DBR1: variants seen among roughly 807,000 people sequenced by gnomAD.
DBR1 encodes the protein lariat debranching enzyme.
In DBR1, 33 loss-of-function variants were observed where a neutral mutation model predicts 45.9. The observed-to-expected ratio is 0.72, with a 90% CI of 0.55 to 0.96. DBR1 has a LOEUF of 0.96. Among genes scored for constraint, DBR1 ranks in the 40% least tolerant of loss-of-function variants. The pLI, the probability that DBR1 is intolerant of heterozygous loss-of-function variation, is 0.00. For missense variants in DBR1, 619 were observed against 667.4 expected (o/e 0.93, Z 0.80); for synonymous variants, 235 against 235.9 (o/e 1.00, Z 0.04).
chr3:138,163,985 T>G (rs919460286), intron 5 of DBR1, 127 bp from the exon 6 acceptor site: 4 of 579,430 alleles, frequency 6.9e-6, no homozygotes, highest in East Asian at 6.5e-5. Context: ...AAGGAATGAC[T>G]GTTACTTTTC....
intron 1 of DBR1, 38 bp downstream of exon 1, chr3:138,174,561 C>G (rs1373328646): frequency 4.0e-6 from 6 of 1,481,882 alleles, no homozygotes; most frequent in African/African-American, 1.4e-5. Context: ...CCAGTCCCAC[C>G]CCCCCACCGC....
chr3:138,163,701 T>A, intron 6 of DBR1, 77 bp downstream of exon 6: 1 of 1,121,776 alleles, frequency 8.9e-7, no homozygotes, highest in Non-Finnish European at 1.2e-6. Context: ...AACAAAAAAA[T>A]TCCGAAAGGA....
Position 138,171,721 on chromosome 3 carries a change from A to T in DBR1, c.323-8T>A. 6.2e-7 allele frequency: 1 copy of T among 1,603,742 alleles called. No homozygotes were observed. Among genetic ancestry groups the T allele is most frequent in the Non-Finnish European group, 8.5e-7 (1 of 1,170,848 alleles). The stretch of plus-strand genomic sequence containing the variant: ...TTACCACACCAGCCAAACCTAAACA[A>T]TACAGTTAAATAAAATTACTGTAGG... On this transcript the variant is annotated splice_region_variant and splice_polypyrimidine_tract_variant and intron_variant, in intron 2 of 7. Coordinates refer to ENST00000260803, the MANE Select transcript of DBR1 (RefSeq NM_016216.4).
chr3:138,173,083 C>T (rs1350889677), intron 2 of DBR1, among the ~76,000 whole-genome samples: 2 of 106,518 alleles, frequency 1.9e-5, no homozygotes, highest in Non-Finnish European at 4.1e-5. Context: ...GTCATCTCTT[C>T]CCACAAAAAA....
Position 138,170,201 on chromosome 3 carries a change from G to A in DBR1, c.404-9C>T. The A allele has an allele frequency of 1.3e-6, 2 of 1,532,834 alleles. No individual in the cohort carries two copies. Among genetic ancestry groups the A allele is most frequent in the Non-Finnish European group, 8.9e-7 (1 of 1,120,746 alleles). 95.0% of individuals were successfully genotyped at this position (1,532,834 alleles called of 1,614,324 possible). ...GGGGCACTCAAAATGACCTTAGATTGAAGCAGAAAAATAAGCTATATTTAA... is the reference window on the plus strand; with the variant it reads ...GGGGCACTCAAAATGACCTTAGATTAAAGCAGAAAAATAAGCTATATTTAA... On this transcript the variant is annotated splice_polypyrimidine_tract_variant and intron_variant, in intron 3 of 7. Transcript: ENST00000260803.
rs910983842 is a variant in DBR1, at chr3:138,161,436, A to T, written c.*453T>A. On this transcript the variant is annotated 3_prime_UTR_variant, in exon 8 of 8. Transcript: ENST00000260803. ...ACAAAAGCCTAAAGATAAAGTCAATATCTAACTAAAATTCTCTAATGTATC... is the reference window on the plus strand; with the variant it reads ...ACAAAAGCCTAAAGATAAAGTCAATTTCTAACTAAAATTCTCTAATGTATC... 6.4e-6 allele frequency: 1 copy of T among 155,218 alleles called. No individual in the cohort carries two copies. Among genetic ancestry groups the T allele is most frequent in the Non-Finnish European group, 1.4e-5 (1 of 69,794 alleles). 9.6% of individuals were successfully genotyped at this position (155,218 alleles called of 1,614,324 possible).
chr3:138,162,691 C>T, intron 7 of DBR1, 109 bp from the exon 8 acceptor site: 1 of 958,390 alleles, frequency 1.0e-6, no homozygotes, highest in Non-Finnish European at 1.5e-6. Flanking sequence ...AGCCATCTAT[C>T]AAAATTCCAT....
chr3:138,164,106 ATGT>A (rs1371625094), intron 5 of DBR1: 4 of 335,738 alleles, frequency 1.2e-5, no homozygotes, highest in African/African-American at 6.4e-5. Context: ...GATGATGATG[ATGT>A]TAACTCAAAG....
In DBR1 at chr3:138,162,527, G is replaced by T. The variant is rs750775325; in HGVS notation, c.997C>A (p.His333Asn). ...GMKEVLEKLNHDLKVPCNFSV... is the reference protein window; with the variant it reads ...GMKEVLEKLNNDLKVPCNFSV... ...AAGTTACATGGAACCTTGAGATCATGATTCAATTTTTCCAATACTTCTTTC... is the reference window on the plus strand; with the variant it reads ...AAGTTACATGGAACCTTGAGATCATTATTCAATTTTTCCAATACTTCTTTC... Residue 333 changes from histidine to asparagine, a missense_variant, in exon 8 of 8, where the codon CAT becomes AAT. Coordinates refer to ENST00000260803, the MANE Select transcript of DBR1 (RefSeq NM_016216.4). The T allele has an allele frequency of 3.1e-6, 5 of 1,613,262 alleles. No individual in the cohort carries two copies. Among genetic ancestry groups the T allele is most frequent in the African/African-American group, 1.3e-5 (1 of 74,922 alleles).
intron 4 of DBR1, among the ~76,000 whole-genome samples, chr3:138,167,805 G>C (rs2042937326): frequency 6.6e-6 from 1 of 152,062 alleles, no homozygotes; most frequent in Non-Finnish European, 1.5e-5. Flanking sequence ...AATTTAGCTG[G>C]ACGTTGTGGC....
chr3:138,169,970 T>C, intron 4 of DBR1, 137 bp downstream of exon 4: 1 of 652,750 alleles, frequency 1.5e-6, no homozygotes, highest in Admixed American at 3.3e-5. Flanking sequence ...GTGAACCTCC[T>C]AAAAACTCAA....
chr3:138,171,662 C>A lies in DBR1; in HGVS notation c.374G>T (p.Gly125Val), dbSNP rs779728911. 1.9e-6 allele frequency: 3 copies of A among 1,613,194 alleles called. No individual in the cohort carries two copies. The highest frequency in any genetic ancestry group is 3.3e-5 in the Admixed American group (2 of 59,962). ...YRGVRIGGIS[G>V]IFKSHDYRKG... ...TCGATAGTCATGAGATTTAAAGATA[C>A]CAGAGATTCCACCGATCCTTACACC... Residue 125 changes from glycine to valine, a missense_variant, in exon 3 of 8, where the codon GGT becomes GTT. By Grantham distance (109) the Gly-to-Val change is moderately radical. Around this residue, in one of 3 missense-constraint regions of DBR1, gnomAD observed 430 missense variants for 447.7 expected, o/e 0.96. Transcript: ENST00000260803.
rs1288269497 is a variant in DBR1 at position 138,167,116 on chromosome 3, G to T, written c.679C>A (p.Leu227Ile). 1 of 1,614,028 alleles carries T rather than the reference G, an allele frequency of 6.2e-7. No homozygotes were observed. Among genetic ancestry groups the T allele is most frequent in the African/African-American group, 1.3e-5 (1 of 74,926 alleles). Residue 227 changes from leucine (L) to isoleucine (I), a missense_variant, in exon 5 of 8, where the codon CTT becomes ATT. By Grantham distance (5) the Leu-to-Ile change is conservative. This residue lies in a region of DBR1 where 430 missense variants were observed against 447.7 expected (regional missense o/e 0.96). Coordinates refer to ENST00000260803, the MANE Select transcript of DBR1 (RefSeq NM_016216.4). The part of the protein sequence containing the change: ...LKPTYWFSAH[L>I]HVKFAALMQH... ...ATCAAGGCGGCAAACTTCACATGAA[G>T]GTGGGCAGAAAACCAATAAGTAGGT...
intron 3 of DBR1, 41 bp downstream of exon 3, chr3:138,171,592 A>G (rs761614772): frequency 7.4e-7 from 1 of 1,346,252 alleles, no homozygotes; most frequent in Admixed American, 1.7e-5. Flanking sequence ...ACTCTGGGGC[A>G]TGCAAGTTCT....
Position 138,163,422 on chromosome 3 carries a change from T to G in DBR1, c.868A>C (p.Arg290=). 6.2e-7 allele frequency: 1 copy of G among 1,613,496 alleles called. No homozygotes were observed. The highest frequency in any genetic ancestry group is 8.5e-7 in the Non-Finnish European group (1 of 1,179,464). ...ACATTAATAAGATCATCCGTAGCCC[T>G]GAGAATAGTGAGCCATTCAATATCA... is the stretch of plus-strand genomic sequence containing the variant. ...EYDIEWLTIL[R]ATDDLINVTG... The change falls in exon 7 of 8, where the codon AGG becomes CGG. Residue 290 remains arginine, a synonymous_variant. Transcript: ENST00000260803.
At chr3:138,164,980 A>G (rs1190158309) in intron 5 of DBR1, among the ~76,000 whole-genome samples, 1 of 152,186 alleles carries the variant, frequency 6.6e-6, no homozygotes, top group Non-Finnish European at 1.5e-5. Flanking sequence ...TTATACTCCA[A>G]TAAAGGTTTT....
In DBR1 at chr3:138,161,192, T is replaced by C. The variant is rs1275021564; in HGVS notation, c.*697A>G. 6.6e-6 allele frequency: 1 copy of C among 152,242 alleles called. No individual in the cohort carries two copies. The highest frequency in any genetic ancestry group is 1.9e-4 in the East Asian group (1 of 5,202). 9.4% of individuals were successfully genotyped at this position (152,242 alleles called of 1,614,324 possible). On this transcript the variant is annotated 3_prime_UTR_variant, in exon 8 of 8. Transcript: ENST00000260803. ...AACAAAATATAATATAGCCATATTG[T>C]ATACATCAAAATGTTTACAGTGATA...
At position 138,174,642 on chromosome 3, in the gene DBR1, T is replaced by C. The variant is rs1369234448; in HGVS notation, c.154A>G (p.Met52Val). Residue 52 changes from methionine (M) to valine (V), a missense_variant, in exon 1 of 8, where the codon ATG becomes GTG. Coordinates refer to ENST00000260803, the MANE Select transcript of DBR1 (RefSeq NM_016216.4). ...TGACGATACTTGGGCGGCACGGCCA[T>C]GCAGCGTAGATCCGCCTCGTTGCGC... ...AVRNEADLRC[M>V]AVPPKYRHMQ... 3 of 1,584,906 alleles carry C rather than the reference T, an allele frequency of 1.9e-6. No individual in the cohort carries two copies. Among genetic ancestry groups the C allele is most frequent in the East Asian group, 2.3e-5 (1 of 43,138 alleles).
Position 138,162,665 on chromosome 3 carries a change from G to A in DBR1, c.942-83C>T, listed in dbSNP as rs2042913649. 5 of 1,202,616 alleles carry A rather than the reference G, an allele frequency of 4.2e-6. No homozygotes were observed. The South Asian group carries it at 6.1e-5, about 15-fold the overall frequency. The allele number at this position is 1,202,616 out of a possible 1,614,324, so 74.5% of individuals were successfully genotyped here. A position where few individuals can be genotyped will look rare whatever the true frequency, so the allele number is the denominator to read the frequency against. On this transcript the variant is annotated intron_variant, in intron 7 of 7. Coordinates refer to ENST00000260803, the MANE Select transcript of DBR1 (RefSeq NM_016216.4). ...TGAAATCTAATTACAGACTTCAGGT[G>A]CAAGGATAAAAAATAAGCCATCTAT...
Sources: allele counts gnomAD v4.1 joint callset (sites outside exome capture counted in the v4.1 genomes callset), GRCh38; gene constraint gnomAD v4.1.1; regional missense constraint gnomAD v4.1.1; transcripts MANE v1.5; gene names NCBI Gene and HGNC (gene_info 2026-07-23, HGNC 2026-07-21).